GPX6: variants seen among roughly 807,000 people sequenced by gnomAD.
GPX6 encodes the protein glutathione peroxidase 6, also known as glutathione peroxidase 6 (olfactory).
GPX6 carries 21 observed loss-of-function variants against 20.0 expected under a neutral mutation model. The observed-to-expected ratio is 1.05, with a 90% CI of 0.74 to 1.51. The LOEUF is 1.51. GPX6 is among the 40% of genes most tolerant of loss of function. The pLI is 0.00. For synonymous variants in GPX6, 75 were observed against 98.0 expected, an observed-to-expected ratio of 0.77 and a Z score of 1.38; for missense variants, 233 against 254.7, an observed-to-expected ratio of 0.91 and a Z score of 0.58.
At chr6:28,507,920 A>G (rs1157775837) in intron 2 of GPX6, among the ~76,000 whole-genome samples, 1 of 152,182 alleles carries the variant, frequency 6.6e-6, no homozygotes, top group Non-Finnish European at 1.5e-5. Flanking sequence ...ATATGTGAAA[A>G]AGCAATGTGC....
intron 2 of GPX6, among the ~76,000 whole-genome samples, chr6:28,509,948 A>G (rs1762844734): frequency 6.6e-6 from 1 of 152,232 alleles, no homozygotes; most frequent in South Asian, 2.1e-4. Context: ...AATATCAAAG[A>G]TCACTCATCT....
Position 28,504,268 on chromosome 6 carries a change from A to T in GPX6, c.*24T>A. On this transcript the variant is annotated 3_prime_UTR_variant, in exon 5 of 5. Coordinates refer to ENST00000361902, the MANE Select transcript of GPX6 (RefSeq NM_182701.1). ...CCTGCAGGTGGGAGACAGGGTAGTT[A>T]TTTCTGTCAGTCGCTAGCCCTTCCT... The T allele has an allele frequency of 6.2e-7, 1 of 1,601,198 alleles. No individual in the cohort carries two copies. The highest frequency in any genetic ancestry group is 1.1e-5 in the South Asian group (1 of 90,754).
chr6:28,510,793 C>T lies in GPX6; in HGVS notation c.199G>A (p.Val67Ile). The change falls in exon 2 of 5, where the codon GTC (valine) becomes ATC (isoleucine). Residue 67 changes from valine (V) to isoleucine (I), a missense_variant. Physicochemically the swap from Val to Ile is conservative, Grantham distance 29 (BLOSUM62 3). Coordinates refer to ENST00000361902, the MANE Select transcript of GPX6 (RefSeq NM_182701.1). ...AAGCCTCAATAGGCGGCCACATTGA[C>T]AAACAGGACGTGCTTGCCTGCAAAC... ...KQFAGKHVLFVNVAAYUGLAA... is the reference protein window; with the variant it reads ...KQFAGKHVLFINVAAYUGLAA... 1 of 1,614,108 alleles carries T rather than the reference C, an allele frequency of 6.2e-7. No homozygotes were observed. The highest frequency in any genetic ancestry group is 8.5e-7 in the Non-Finnish European group (1 of 1,180,000).
intron 1 of GPX6, among the ~76,000 whole-genome samples, chr6:28,514,736 G>A (rs908473221): frequency 6.6e-6 from 1 of 152,196 alleles, no homozygotes; most frequent in Non-Finnish European, 1.5e-5. Context: ...TCTTAGGTAA[G>A]CTCAAGTCTG....
chr6:28,511,583 T>C (rs1035117750), intron 1 of GPX6, among the ~76,000 whole-genome samples: 2 of 152,266 alleles, frequency 1.3e-5, no homozygotes, highest in Non-Finnish European at 2.9e-5. Context: ...GCACTGGCGC[T>C]GGATGTGGAG....
chr6:28,513,080 A>C (rs897465407), intron 1 of GPX6, among the ~76,000 whole-genome samples: 2 of 152,210 alleles, frequency 1.3e-5, no homozygotes, highest in East Asian at 1.9e-4. Flanking sequence ...CAGCGGAAGG[A>C]CATGGAGTTT....
intron 1 of GPX6, among the ~76,000 whole-genome samples, chr6:28,511,825 C>T (rs1235142119): frequency 1.3e-5 from 2 of 152,242 alleles, no homozygotes; most frequent in African/African-American, 4.8e-5. Context: ...CCTCAGCTTC[C>T]GAGGAGTTGT....
In GPX6 at chr6:28,512,547, C is replaced by T. The variant is rs142585409; in HGVS notation, c.88-1643G>A. ...CCGCACCCTGTCAAAACAGACCACT[C>T]GGCTCTCTGTAAAATGGACCAATCA... On this transcript the variant is annotated intron_variant, in intron 1 of 4. Coordinates refer to ENST00000361902, the MANE Select transcript of GPX6 (RefSeq NM_182701.1). Among the ~76,000 whole-genome samples, 128 of 152,292 alleles carry T rather than the reference C, an allele frequency of 8.4e-4. 2 individuals carry two copies. The East Asian group carries it at 0.024, about 28-fold the overall frequency.
At chr6:28,506,707 ACACACACACACAC>A (rs1188028678) in intron 2 of GPX6, among the ~76,000 whole-genome samples, 1 of 69,940 alleles carries the variant, frequency 1.4e-5, no homozygotes, top group African/African-American at 4.5e-5. Flanking sequence ...TTTTTTTTAA[ACACACACACACAC>A]ACACACACAC....
At chr6:28,513,856 CTT>C (rs747851669) in intron 1 of GPX6, among the ~76,000 whole-genome samples, 3 of 152,272 alleles carry the variant, frequency 2.0e-5, no homozygotes, top group East Asian at 1.9e-4. Flanking sequence ...GCAAGAAACT[CTT>C]TATCATCTTC....
At chr6:28,515,157 T>C (rs528144773) in intron 1 of GPX6, among the ~76,000 whole-genome samples, 1 of 152,308 alleles carries the variant, frequency 6.6e-6, no homozygotes, top group African/African-American at 2.4e-5. Context: ...GGGGAGCTCC[T>C]CTTTCTGTGA....
At chr6:28,513,388 T>G (rs945486820) in intron 1 of GPX6, among the ~76,000 whole-genome samples, 1 of 152,126 alleles carries the variant, frequency 6.6e-6, no homozygotes, top group Admixed American at 6.5e-5. Flanking sequence ...AGGTTGGAGC[T>G]CCACAATCTG....
Position 28,504,473 on chromosome 6 carries a change from A to G in GPX6, c.485T>C (p.Leu162Pro), listed in dbSNP as rs1041978313. The G allele has an allele frequency of 2.2e-5, 36 of 1,614,032 alleles. No homozygotes were observed. The highest frequency in any genetic ancestry group is 3.1e-5 in the Non-Finnish European group (36 of 1,180,046). Residue 162 changes from leucine (L) to proline (P), a missense_variant, in exon 5 of 5, where the codon CTT (leucine) becomes CCT (proline). By Grantham distance (98) the Leu-to-Pro change is moderately conservative. Coordinates refer to ENST00000361902, the MANE Select transcript of GPX6 (RefSeq NM_182701.1). Reference sequence around the variant, plus strand: ...GAAGAGTTGGCTTGATGAGCCCAAAAGATCAGAGGTCGGAGGGCAGGAGTT... The same window carrying G: ...GAAGAGTTGGCTTGATGAGCCCAAAGGATCAGAGGTCGGAGGGCAGGAGTT... ...LKNSCPPTSD[L>P]LGSSSQLFWE...
intron 2 of GPX6, among the ~76,000 whole-genome samples, chr6:28,509,867 G>T (rs890655349): frequency 2.0e-5 from 3 of 152,162 alleles, no homozygotes; most frequent in African/African-American, 7.2e-5. Context: ...ATCAAAGGCT[G>T]CCCAGACAGA....
Position 28,513,177 on chromosome 6 carries a change from C to G in GPX6, c.88-2273G>C, listed in dbSNP as rs188852903. 3.3e-5 allele frequency among the ~76,000 whole-genome samples: 5 copies of G among 152,312 alleles called. No homozygotes were observed. In the East Asian group the frequency reaches 9.6e-4, roughly 29 times the overall value. On this transcript the variant is annotated intron_variant, in intron 1 of 4. Transcript: ENST00000361902. ...CACTTAATAAAACCTTGCACTTATT[C>G]TCCATGCCCACGTGTGATCCGATTC...
Position 28,504,075 on chromosome 6 carries a change from A to T in GPX6, c.*217T>A, listed in dbSNP as rs968573911. On this transcript the variant is annotated 3_prime_UTR_variant, in exon 5 of 5. Transcript: ENST00000361902. ...CCATACATACACCTATGCATATACC[A>T]ACAAATACAATTCTACATATCCATA... 3.5e-6 allele frequency: 2 copies of T among 574,170 alleles called. No individual in the cohort carries two copies. The highest frequency in any genetic ancestry group is 6.1e-5 in the Admixed American group (2 of 32,572). The allele number at this position is 574,170 out of a possible 1,614,324, so 35.6% of individuals were successfully genotyped here. A position where few individuals can be genotyped will look rare whatever the true frequency, so the allele number is the denominator to read the frequency against.
At chr6:28,504,834 G>A (rs945578714) in intron 4 of GPX6, among the ~76,000 whole-genome samples, 2 of 151,850 alleles carry the variant, frequency 1.3e-5, no homozygotes, top group Admixed American at 6.6e-5. Context: ...TCTACAGTTC[G>A]TTTCCTTAGC....
chr6:28,515,512 A>T, intron 1 of GPX6, 145 bp downstream of exon 1: 1 of 657,730 alleles, frequency 1.5e-6, no homozygotes, highest in Non-Finnish European at 2.8e-6. Context: ...CCTGCTAAGG[A>T]TAGCAATGTC....
intron 3 of GPX6, 132 bp downstream of exon 3, chr6:28,506,180 C>G: frequency 1.5e-6 from 1 of 680,468 alleles, no homozygotes. Context: ...GAATTCAAAA[C>G]ATCATAAGGA....
Sources: allele counts gnomAD v4.1 joint callset (sites outside exome capture counted in the v4.1 genomes callset), GRCh38; gene constraint gnomAD v4.1.1; transcripts MANE v1.5; gene names NCBI Gene and HGNC (gene_info 2026-07-23, HGNC 2026-07-21).